The following DCC variants were observed in gnomAD, a reference collection of about 807,000 sequenced individuals.
DCC encodes DCC netrin 1 receptor.
Under a neutral mutation model 172.5 loss-of-function variants are expected in DCC, and 58 were observed. The observed-to-expected ratio is 0.34, with a 90% CI of 0.27 to 0.42. The LOEUF (loss-of-function observed/expected upper bound fraction) is 0.42, where lower values mean the gene tolerates loss of function less well. DCC is among the 10% of genes least tolerant of loss of function. The pLI is 1.00. For missense variants in DCC, 1,740 were observed against 1,791.0 expected (o/e 0.97, Z 0.51); for synonymous variants, 709 against 644.5 (o/e 1.10, Z -1.52).
chr18:53,262,698 G>A (rs1428208446), intron 12 of DCC, among the ~76,000 whole-genome samples: 1 of 152,128 alleles, frequency 6.6e-6, no homozygotes, highest in Non-Finnish European at 1.5e-5. Flanking sequence ...TTCTCCCTTA[G>A]TCTTTCATCA....
intron 1 of DCC, among the ~76,000 whole-genome samples, chr18:52,415,956 T>G (rs1393825637): frequency 1.3e-5 from 2 of 152,162 alleles, no homozygotes; most frequent in Non-Finnish European, 2.9e-5. Flanking sequence ...TTCTTTTAAT[T>G]GTGATGTTAG....
intron 1 of DCC, among the ~76,000 whole-genome samples, chr18:52,696,746 T>C (rs1175908744): frequency 2.0e-5 from 3 of 152,088 alleles, no homozygotes; most frequent in African/African-American, 4.8e-5. Flanking sequence ...ACAAAAGTAG[T>C]ATTTTGGGAG....
At chr18:52,626,480 C>T (rs193150742) in intron 1 of DCC, among the ~76,000 whole-genome samples, 7 of 151,922 alleles carry the variant, frequency 4.6e-5, no homozygotes, top group African/African-American at 1.7e-4. Flanking sequence ...TGTAGTCATT[C>T]CTAATATACA....
At chr18:52,965,668 T>A (rs992610178) in intron 5 of DCC, among the ~76,000 whole-genome samples, 1 of 152,220 alleles carries the variant, frequency 6.6e-6, no homozygotes, top group African/African-American at 2.4e-5. Flanking sequence ...TTAATTTTTT[T>A]AAGTTATTCT....
At chr18:53,315,418 A>C (rs1183597019) in intron 13 of DCC, among the ~76,000 whole-genome samples, 1 of 152,206 alleles carries the variant, frequency 6.6e-6, no homozygotes, top group Non-Finnish European at 1.5e-5. Flanking sequence ...TGCTGCAATA[A>C]ACATACATGT....
intron 9 of DCC, among the ~76,000 whole-genome samples, chr18:53,194,812 A>G (rs181769989): frequency 7.6e-4 from 115 of 152,316 alleles, no homozygotes; most frequent in Non-Finnish European, 1.5e-3. Flanking sequence ...AACTTGGGCC[A>G]CATCCTTTTA....
At chr18:53,293,369 T>C (rs2057027363) in intron 12 of DCC, among the ~76,000 whole-genome samples, 1 of 152,202 alleles carries the variant, frequency 6.6e-6, no homozygotes, top group South Asian at 2.1e-4. Context: ...ACACCTGGTA[T>C]AAAAATTAAG....
chr18:52,594,348 A>G (rs2033864210), intron 1 of DCC, among the ~76,000 whole-genome samples: 1 of 152,018 alleles, frequency 6.6e-6, no homozygotes, highest in Admixed American at 6.6e-5. Context: ...TGTTTAGGCT[A>G]TTTTTCCAAG....
At chr18:53,515,192 C>T (rs1352234467) in intron 27 of DCC, among the ~76,000 whole-genome samples, 3 of 152,098 alleles carry the variant, frequency 2.0e-5, no homozygotes, top group African/African-American at 7.2e-5. Flanking sequence ...GAGCCAATGA[C>T]AAAAACCACA....
chr18:52,680,018 T>C (rs2035717752), intron 1 of DCC, among the ~76,000 whole-genome samples: 1 of 152,048 alleles, frequency 6.6e-6, no homozygotes, highest in South Asian at 2.1e-4. Context: ...TCTTCAAATT[T>C]CTTGACTTTT....
chr18:52,721,897 C>A (rs1431574867), intron 1 of DCC, among the ~76,000 whole-genome samples: 1 of 152,042 alleles, frequency 6.6e-6, no homozygotes, highest in Non-Finnish European at 1.5e-5. Flanking sequence ...TGGTGGCAGG[C>A]ACCTGAATCC....
chr18:52,649,973 ATTTTTTTTTTTT>A (rs71175512), intron 1 of DCC, among the ~76,000 whole-genome samples: 5 of 106,928 alleles, frequency 4.7e-5, no homozygotes, highest in Admixed American at 1.0e-4. Flanking sequence ...TGATAGTTCT[ATTTTTTTTTTTT>A]TTTTTTTTTT....
At chr18:53,069,518 C>A (rs2042623196) in intron 7 of DCC, among the ~76,000 whole-genome samples, 1 of 151,672 alleles carries the variant, frequency 6.6e-6, no homozygotes, top group Non-Finnish European at 1.5e-5. Context: ...GAGGGTGGCG[C>A]AGGTCAGCCA....
At chr18:52,362,177 C>T (rs2144272042) in intron 1 of DCC, among the ~76,000 whole-genome samples, 1 of 152,302 alleles carries the variant, frequency 6.6e-6, no homozygotes, top group Non-Finnish European at 1.5e-5. Context: ...CTCTTTTCTT[C>T]AAGGATGGCA....
At chr18:52,433,518 A>C (rs1042645925) in intron 1 of DCC, among the ~76,000 whole-genome samples, 2 of 152,182 alleles carry the variant, frequency 1.3e-5, no homozygotes, top group African/African-American at 4.8e-5. Flanking sequence ...CAATTTGGCA[A>C]ATAATGAATT....
intron 5 of DCC, among the ~76,000 whole-genome samples, chr18:53,055,353 G>A (rs1011861742): frequency 6.6e-6 from 1 of 152,082 alleles, no homozygotes; most frequent in African/African-American, 2.4e-5. Context: ...TTACACCTGT[G>A]TCAGGAAAAA....
intron 15 of DCC, among the ~76,000 whole-genome samples, chr18:53,341,511 C>G (rs1375294909): frequency 6.6e-6 from 1 of 152,140 alleles, no homozygotes; most frequent in African/African-American, 2.4e-5. Flanking sequence ...ATGAACCTGT[C>G]TCAGTAATAA....
At chr18:52,747,410 A>T (rs911260669) in intron 1 of DCC, among the ~76,000 whole-genome samples, 30 of 152,360 alleles carry the variant, frequency 2.0e-4, no homozygotes, top group Admixed American at 8.5e-4. Flanking sequence ...TTTCACCTGG[A>T]TGAAATCCTC....
chr18:52,769,242 T>C (rs1223360363), intron 2 of DCC, among the ~76,000 whole-genome samples: 1 of 152,256 alleles, frequency 6.6e-6, no homozygotes, highest in Non-Finnish European at 1.5e-5. Context: ...CATCATTTGA[T>C]GTCAGTGTTC....
Sources: allele counts gnomAD v4.1 joint callset (sites outside exome capture counted in the v4.1 genomes callset), GRCh38; gene constraint gnomAD v4.1.1; transcripts MANE v1.5; gene names NCBI Gene and HGNC (gene_info 2026-07-23, HGNC 2026-07-21).